The following GRM7 variants were observed in gnomAD, a reference collection of about 807,000 sequenced individuals.
The protein encoded by GRM7 is metabotropic glutamate receptor 7.
GRM7 carries 35 observed loss-of-function variants against 84.5 expected under a neutral mutation model. The observed-to-expected ratio is 0.41, with a 90% confidence interval of 0.32 to 0.55. The LOEUF (loss-of-function observed/expected upper bound fraction) is 0.55. Ranked by LOEUF, GRM7 falls within the 20% of genes least tolerant of loss-of-function variation. The probability of loss-of-function intolerance (pLI) is 0.19; values close to 1 mark genes in which losing one functional copy is unlikely to be tolerated. For missense variants in GRM7, 1,003 were observed against 1,194.6 expected, an observed-to-expected ratio of 0.84 and a Z score of 2.36; for synonymous variants, 487 against 455.1, an observed-to-expected ratio of 1.07 and a Z score of -0.89.
chr3:7,110,815 G>A (rs987775160), intron 1 of GRM7, among the ~76,000 whole-genome samples: 1 of 151,960 alleles, frequency 6.6e-6, no homozygotes, highest in African/African-American at 2.4e-5. Context: ...GCAACATCAA[G>A]GTTTGACAAG....
At chr3:7,674,417 C>T (rs987996624) in intron 8 of GRM7, among the ~76,000 whole-genome samples, 1 of 152,106 alleles carries the variant, frequency 6.6e-6, no homozygotes, top group East Asian at 1.9e-4. Flanking sequence ...GTCTTGAACT[C>T]CTGACCTCAG....
chr3:7,277,823 G>C (rs1215428907), intron 2 of GRM7, among the ~76,000 whole-genome samples: 3 of 152,034 alleles, frequency 2.0e-5, no homozygotes, highest in African/African-American at 7.2e-5. Context: ...AGTGTACTAT[G>C]TCATGTTTAA....
chr3:7,174,557 T>A (rs1695083732), intron 2 of GRM7, among the ~76,000 whole-genome samples: 1 of 152,222 alleles, frequency 6.6e-6, no homozygotes, highest in Non-Finnish European at 1.5e-5. Context: ...CTGACTACAA[T>A]AAAAGTTTAT....
chr3:7,627,764 T>C (rs1697681480), intron 8 of GRM7, among the ~76,000 whole-genome samples: 1 of 152,184 alleles, frequency 6.6e-6, no homozygotes. Flanking sequence ...GAGGTTGCTC[T>C]CCTTGGCTTG....
chr3:7,543,567 G>A (rs528681334), intron 7 of GRM7, among the ~76,000 whole-genome samples: 3 of 152,346 alleles, frequency 2.0e-5, no homozygotes, highest in South Asian at 2.1e-4. Context: ...TGCAGGCCTG[G>A]AAACCTGCCC....
rs776505793 is a variant in GRM7 at position 7,444,089 on chromosome 3, G to A, written c.1175-8518G>A. Among the ~76,000 whole-genome samples, 4 of 152,084 alleles carry A rather than the reference G, an allele frequency of 2.6e-5. No homozygotes were observed. In the South Asian group the frequency reaches 6.2e-4, roughly 24 times the overall value. On this transcript the variant is annotated intron_variant, in intron 5 of 9. Coordinates refer to ENST00000357716, the MANE Select transcript of GRM7 (RefSeq NM_000844.4). ...TCTCATGCTTTTAGCAACGATTGAT[G>A]GTAATTGCACAGATTCGTTTTTCAT...
Position 7,043,227 on chromosome 3 carries a change from T to C in GRM7, c.520-103225T>C, listed in dbSNP as rs146689544. On this transcript the variant is annotated intron_variant, in intron 1 of 9. Coordinates refer to ENST00000357716, the MANE Select transcript of GRM7 (RefSeq NM_000844.4). ...GAGCTGAGCAGTGGTCAGCCATATA[T>C]TGAAGCGGGGGGAGGGGGCATCCTA... Among the ~76,000 whole-genome samples, 749 of 152,288 alleles carry C rather than the reference T, an allele frequency of 4.9e-3. 5 individuals carry two copies. The highest frequency in any genetic ancestry group is 0.016 in the African/African-American group (649 of 41,558).
chr3:7,289,990 T>C (rs956266700), intron 2 of GRM7, among the ~76,000 whole-genome samples: 28 of 151,942 alleles, frequency 1.8e-4, no homozygotes, highest in Admixed American at 1.8e-3. Flanking sequence ...ACATGTACCC[T>C]AGAACTTAAA....
intron 9 of GRM7, among the ~76,000 whole-genome samples, chr3:7,737,174 G>A (rs1353950476): frequency 6.6e-6 from 1 of 152,172 alleles, no homozygotes; most frequent in Non-Finnish European, 1.5e-5. Flanking sequence ...CAAATTGAGT[G>A]TTGATTTTGA....
intron 1 of GRM7, among the ~76,000 whole-genome samples, chr3:6,921,042 C>G (rs1309785191): frequency 1.3e-5 from 2 of 152,150 alleles, no homozygotes; most frequent in Non-Finnish European, 2.9e-5. Flanking sequence ...TTATGTGAAC[C>G]AGTGTGAAAA....
At chr3:7,589,127 T>C (rs981549923) in intron 8 of GRM7, among the ~76,000 whole-genome samples, 18 of 152,214 alleles carry the variant, frequency 1.2e-4, no homozygotes, top group African/African-American at 4.3e-4. Context: ...CCAAATTACA[T>C]TGTTGATGAG....
At chr3:7,537,734 T>A (rs73809208) in intron 7 of GRM7, among the ~76,000 whole-genome samples, 8,770 of 152,276 alleles carry the variant, frequency 0.058, 775 homozygotes, top group African/African-American at 0.19. Context: ...GAACTCAGGC[T>A]GGCAGGGAAG....
At chr3:6,880,418 A>G (rs748383123) in intron 1 of GRM7, among the ~76,000 whole-genome samples, 1 of 152,198 alleles carries the variant, frequency 6.6e-6, no homozygotes, top group Non-Finnish European at 1.5e-5. Context: ...GCAGTTGATT[A>G]TCCTGGAATG....
intron 9 of GRM7, among the ~76,000 whole-genome samples, chr3:7,683,030 C>G (rs765113668): frequency 6.6e-6 from 1 of 152,218 alleles, no homozygotes; most frequent in Non-Finnish European, 1.5e-5. Flanking sequence ...CTTCAACCCA[C>G]GCTTGTTCCT....
At chr3:7,138,099 A>G (rs1345428238) in intron 1 of GRM7, among the ~76,000 whole-genome samples, 2 of 152,190 alleles carry the variant, frequency 1.3e-5, no homozygotes, top group African/African-American at 4.8e-5. Context: ...TAAAAGTGAT[A>G]ATGACATGCC....
chr3:7,139,140 A>T (rs1191268770), intron 1 of GRM7, among the ~76,000 whole-genome samples: 1 of 148,330 alleles, frequency 6.7e-6, no homozygotes, highest in Non-Finnish European at 1.5e-5. Context: ...TAGATACTAT[A>T]TGAACCTCTT....
chr3:7,203,403 G>C (rs1696130746), intron 2 of GRM7, among the ~76,000 whole-genome samples: 1 of 151,988 alleles, frequency 6.6e-6, no homozygotes, highest in Non-Finnish European at 1.5e-5. Context: ...TATTTTTTAT[G>C]GCTGAATAGT....
chr3:7,520,560 A>G (rs3804935), intron 7 of GRM7, among the ~76,000 whole-genome samples: 12,298 of 152,138 alleles, frequency 0.081, 613 homozygotes, highest in South Asian at 0.17. Flanking sequence ...TCATCATGAT[A>G]AAATACCTAA....
chr3:7,241,739 C>T (rs561560490), intron 2 of GRM7, among the ~76,000 whole-genome samples: 1 of 152,212 alleles, frequency 6.6e-6, no homozygotes, highest in East Asian at 1.9e-4. Flanking sequence ...CTGGTGCATA[C>T]TTCAGGTTTG....
Sources: allele counts gnomAD v4.1 joint callset (sites outside exome capture counted in the v4.1 genomes callset), GRCh38; gene constraint gnomAD v4.1.1; transcripts MANE v1.5; gene names NCBI Gene and HGNC (gene_info 2026-07-23, HGNC 2026-07-21).